Variants in DPH6 observed in about 807,000 individuals in gnomAD.
DPH6 encodes the protein diphthine--ammonia ligase.
Under a neutral mutation model 38.2 loss-of-function variants are expected in DPH6, and 33 were observed. The ratio of observed to expected loss-of-function variants is 0.86; its 90% CI spans 0.65 to 1.15. DPH6 has a LOEUF of 1.15. DPH6 is among the 50% of genes most tolerant of loss of function. The pLI, the probability that DPH6 is intolerant of heterozygous loss-of-function variation, is 0.00. For missense variants in DPH6, 325 were observed against 320.0 expected, an observed-to-expected ratio of 1.02 and a Z score of -0.12; for synonymous variants, 108 against 103.0, an observed-to-expected ratio of 1.05 and a Z score of -0.30.
intron 3 of DPH6, among the ~76,000 whole-genome samples, chr15:35,469,105 C>G (rs1367710301): frequency 1.4e-5 from 2 of 146,044 alleles, no homozygotes; most frequent in Non-Finnish European, 3.1e-5. Context: ...ACAACAACAA[C>G]AGGCCAGGCA....
At chr15:35,399,426 G>A (rs1344463358) in intron 6 of DPH6, among the ~76,000 whole-genome samples, 1 of 152,000 alleles carries the variant, frequency 6.6e-6, no homozygotes, top group Non-Finnish European at 1.5e-5. Flanking sequence ...AAATAAAGAA[G>A]AATTTATAGA....
intron 3 of DPH6, among the ~76,000 whole-genome samples, chr15:35,289,445 G>A (rs373985046): frequency 2.6e-5 from 4 of 152,142 alleles, no homozygotes; most frequent in East Asian, 3.8e-4. Flanking sequence ...ACCTAGCACC[G>A]AAGAGCTTCT....
At chr15:35,154,708 C>A in the DPH6 span, among the ~76,000 whole-genome samples, 1 of 152,186 alleles carries the variant, frequency 6.6e-6, no homozygotes, top group Non-Finnish European at 1.5e-5. Flanking sequence ...ACTAATAAGA[C>A]AAGTTGCCTA....
chr15:35,308,656 C>T (rs2052114124), intron 3 of DPH6, among the ~76,000 whole-genome samples: 1 of 152,056 alleles, frequency 6.6e-6, no homozygotes. Context: ...TCTTTATATG[C>T]CATAAACATT....
At chr15:35,328,696 A>G (rs1008901297), downstream of DPH6, among the ~76,000 whole-genome samples, 1 of 152,218 alleles carries the variant, frequency 6.6e-6, no homozygotes, top group Admixed American at 6.5e-5. Context: ...TTTTAAATGA[A>G]TTGTTCCAAA....
chr15:35,261,264 A>G lies in DPH6; in HGVS notation n.201-40682T>C, dbSNP rs72708906. Among the ~76,000 whole-genome samples, 368 of 152,274 alleles carry G rather than the reference A, an allele frequency of 2.4e-3. 6 individuals carry two copies. The highest frequency in any genetic ancestry group is 5.4e-3 in the East Asian group (28 of 5,184). On this transcript the variant is annotated intron_variant and non_coding_transcript_variant, in intron 3 of 3. Transcript: ENST00000560386. ...CTGAGCACGGTGCCATAATCACACC[A>G]TTCTCTTTGCTGTCATGCAGAACTG...
chr15:35,477,271 G>C (rs1355370756), intron 3 of DPH6, among the ~76,000 whole-genome samples: 1 of 151,758 alleles, frequency 6.6e-6, no homozygotes, highest in Non-Finnish European at 1.5e-5. Context: ...TCATTTTTTA[G>C]ATTTTTTTGC....
At chr15:35,414,208 T>C (rs1018792664) in intron 5 of DPH6, among the ~76,000 whole-genome samples, 1 of 151,786 alleles carries the variant, frequency 6.6e-6, no homozygotes, top group Non-Finnish European at 1.5e-5. Flanking sequence ...ATTCTTTCAC[T>C]GATGATCTGT....
intron 2 of DPH6, among the ~76,000 whole-genome samples, chr15:35,539,915 T>C (rs1179320309): frequency 6.6e-6 from 1 of 152,080 alleles, no homozygotes; most frequent in Non-Finnish European, 1.5e-5. Flanking sequence ...TTACTATAAA[T>C]GTTTCCACTC....
chr15:35,542,749 T>G (rs2055273661), intron 1 of DPH6, among the ~76,000 whole-genome samples: 1 of 150,516 alleles, frequency 6.6e-6, no homozygotes, highest in Non-Finnish European at 1.5e-5. Flanking sequence ...AAACAAAATA[T>G]GGTAACTTTT....
chr15:35,295,912 C>CTATTT (rs200342844), intron 3 of DPH6, among the ~76,000 whole-genome samples: 3,910 of 151,320 alleles, frequency 0.026, 163 homozygotes, highest in African/African-American at 0.088. Flanking sequence ...CTTACTATGT[C>CTATTT]TATTTTATTT....
the DPH6 span, among the ~76,000 whole-genome samples, chr15:35,173,906 C>T: frequency 6.6e-6 from 1 of 152,118 alleles, no homozygotes; most frequent in Non-Finnish European, 1.5e-5. Flanking sequence ...CTGGTATGCC[C>T]CGTCACACCT....
intron 6 of DPH6, among the ~76,000 whole-genome samples, chr15:35,397,866 T>TACACACACACACACACAC (rs137888416): frequency 1.1e-5 from 1 of 88,826 alleles, no homozygotes; most frequent in African/African-American, 4.7e-5. Flanking sequence ...AATTTATATA[T>TACACACACACACACACAC]ATACACACAC....
intron 7 of DPH6, among the ~76,000 whole-genome samples, chr15:35,375,109 G>A (rs949850377): frequency 2.0e-5 from 3 of 151,832 alleles, no homozygotes; most frequent in Non-Finnish European, 2.9e-5. Context: ...AATGGGGTGC[G>A]CCAAAACTAT....
At chr15:35,510,981 T>C (rs2054761478) in intron 3 of DPH6, among the ~76,000 whole-genome samples, 1 of 152,154 alleles carries the variant, frequency 6.6e-6, no homozygotes, top group Non-Finnish European at 1.5e-5. Flanking sequence ...ATATTCCTGT[T>C]CTAAATAAAT....
At position 35,236,499 on chromosome 15, in the gene DPH6, C is replaced by T. The variant is rs1220943423; in HGVS notation, n.201-15917G>A. On this transcript the variant is annotated intron_variant and non_coding_transcript_variant, in intron 3 of 3. Transcript: ENST00000560386. Reference sequence around the variant, plus strand: ...TAAAAATACAAAAAAATTAGCCGGGCGTGTTGGCGGGCGCCTGTAGTCCCA... The same window carrying T: ...TAAAAATACAAAAAAATTAGCCGGGTGTGTTGGCGGGCGCCTGTAGTCCCA... Among the ~76,000 whole-genome samples the T allele has an allele frequency of 3.3e-5, 5 of 152,056 alleles. No individual in the cohort carries two copies. The East Asian group carries it at 5.8e-4, about 18-fold the overall frequency.
chr15:35,385,782 T>C (rs1289231790), intron 6 of DPH6, among the ~76,000 whole-genome samples: 3 of 152,116 alleles, frequency 2.0e-5, no homozygotes, highest in Non-Finnish European at 4.4e-5. Context: ...AAAAAGGCAA[T>C]ATGATTTCCT....
In DPH6 at chr15:35,405,486, T is replaced by C. The variant is rs577224896; in HGVS notation, c.567+5349A>G. 3.9e-5 allele frequency among the ~76,000 whole-genome samples: 6 copies of C among 152,232 alleles called. No individual in the cohort carries two copies. The East Asian group carries it at 1.2e-3, about 29-fold the overall frequency. ...GCTATTGTAAATGGGATTACTTTTTTGATTTCTTTTTCAGATTGTTCACTG... is the reference window on the plus strand; with the variant it reads ...GCTATTGTAAATGGGATTACTTTTTCGATTTCTTTTTCAGATTGTTCACTG... On this transcript the variant is annotated intron_variant, in intron 6 of 8. Coordinates refer to ENST00000256538, the MANE Select transcript of DPH6 (RefSeq NM_080650.4).
At chr15:35,333,998 A>G (rs2140865842) in intron 3 of DPH6, among the ~76,000 whole-genome samples, 1 of 152,320 alleles carries the variant, frequency 6.6e-6, no homozygotes, top group Non-Finnish European at 1.5e-5. Context: ...ATTGGAAGCC[A>G]TTATCCAGCA....
Sources: allele counts gnomAD v4.1 joint callset (sites outside exome capture counted in the v4.1 genomes callset), GRCh38; gene constraint gnomAD v4.1.1; transcripts MANE v1.5; gene names NCBI Gene and HGNC (gene_info 2026-07-23, HGNC 2026-07-21).